Variants in FHIT observed in about 807,000 individuals in gnomAD.
FHIT encodes fragile histidine triad diadenosine triphosphatase, also known as bis(5'-adenosyl)-triphosphatase.
A neutral mutation model predicts 17.9 loss-of-function variants in FHIT; 19 were observed. The observed-to-expected ratio is 1.06, with a 90% confidence interval of 0.74 to 1.56. FHIT has a LOEUF of 1.56. Ranked by LOEUF, FHIT falls within the 40% of genes most tolerant of loss-of-function variation. The pLI, the probability that FHIT is intolerant of heterozygous loss-of-function variation, is 0.00. For missense variants in FHIT, 248 were observed against 189.2 expected (o/e 1.31, Z -1.82); for synonymous variants, 81 against 69.7 (o/e 1.16, Z -0.81).
intron 5 of FHIT, among the ~76,000 whole-genome samples, chr3:60,193,219 A>C (rs1216171313): frequency 6.6e-6 from 1 of 152,174 alleles, no homozygotes; most frequent in African/African-American, 2.4e-5. Flanking sequence ...TGCGGATGTG[A>C]GTATAATCAC....
At chr3:61,137,136 T>C (rs1380114566) in intron 2 of FHIT, among the ~76,000 whole-genome samples, 4 of 152,134 alleles carry the variant, frequency 2.6e-5, no homozygotes, top group African/African-American at 9.7e-5. Context: ...CTCCATTGCT[T>C]AGCACTGCAG....
intron 2 of FHIT, among the ~76,000 whole-genome samples, chr3:61,103,511 T>C (rs1483599036): frequency 1.3e-5 from 2 of 152,238 alleles, no homozygotes; most frequent in Non-Finnish European, 2.9e-5. Context: ...AATGTGGTGC[T>C]GAGAAGAATG....
intron 1 of FHIT, among the ~76,000 whole-genome samples, chr3:61,214,098 T>C (rs1180764488): frequency 6.6e-6 from 1 of 151,898 alleles, no homozygotes; most frequent in Non-Finnish European, 1.5e-5. Context: ...TTACAAGAAC[T>C]AGAAAAGCAA....
At chr3:60,829,635 A>G (rs1559754673) in intron 3 of FHIT, among the ~76,000 whole-genome samples, 1 of 152,168 alleles carries the variant, frequency 6.6e-6, no homozygotes, top group Non-Finnish European at 1.5e-5. Context: ...TGCTTTCTGT[A>G]GTATTCGTGG....
intron 5 of FHIT, among the ~76,000 whole-genome samples, chr3:60,331,585 G>A (rs893651053): frequency 1.1e-4 from 17 of 152,146 alleles, no homozygotes; most frequent in African/African-American, 2.9e-4. Context: ...GGTGGCTTGC[G>A]CCTGTAATCC....
At chr3:60,720,877 T>G (rs565070898) in intron 4 of FHIT, among the ~76,000 whole-genome samples, 131 of 152,312 alleles carry the variant, frequency 8.6e-4, no homozygotes, top group Non-Finnish European at 1.7e-3. Flanking sequence ...TCATTTCCCC[T>G]GGCTCCTTGA....
intron 5 of FHIT, among the ~76,000 whole-genome samples, chr3:60,066,111 T>C (rs1702491506): frequency 6.6e-6 from 1 of 152,152 alleles, no homozygotes. Flanking sequence ...CCTTTTTCCA[T>C]GGACATTGAC....
At chr3:60,296,172 C>T (rs1030054727) in intron 5 of FHIT, among the ~76,000 whole-genome samples, 1 of 151,776 alleles carries the variant, frequency 6.6e-6, no homozygotes, top group African/African-American at 2.4e-5. Context: ...TACCAATCTT[C>T]GGTATGTTCT....
At chr3:60,360,648 G>A (rs1037402150) in intron 5 of FHIT, among the ~76,000 whole-genome samples, 14 of 152,178 alleles carry the variant, frequency 9.2e-5, no homozygotes, top group Admixed American at 3.3e-4. Context: ...TAATAGGCAT[G>A]CAAATTCTTT....
At chr3:60,884,632 G>A (rs1453945832) in intron 3 of FHIT, among the ~76,000 whole-genome samples, 2 of 151,982 alleles carry the variant, frequency 1.3e-5, no homozygotes, top group African/African-American at 4.8e-5. Flanking sequence ...TGTGAAATAA[G>A]CCCAACACAG....
intron 4 of FHIT, among the ~76,000 whole-genome samples, chr3:60,755,810 G>A (rs1049717892): frequency 6.6e-6 from 1 of 152,194 alleles, no homozygotes; most frequent in Non-Finnish European, 1.5e-5. Context: ...TCCCAGCAAG[G>A]AGGGACTGTA....
chr3:61,120,643 C>T (rs1008222250), intron 2 of FHIT, among the ~76,000 whole-genome samples: 4 of 152,046 alleles, frequency 2.6e-5, no homozygotes, highest in African/African-American at 9.7e-5. Context: ...TCAAAGGTGG[C>T]ACTTTTGCAG....
At chr3:60,413,827 A>C (rs1489790015) in intron 5 of FHIT, among the ~76,000 whole-genome samples, 1 of 152,198 alleles carries the variant, frequency 6.6e-6, no homozygotes, top group Non-Finnish European at 1.5e-5. Context: ...ATATTAACAG[A>C]CCATTCACTC....
chr3:60,788,868 C>T (rs1700674344), intron 4 of FHIT, among the ~76,000 whole-genome samples: 1 of 151,998 alleles, frequency 6.6e-6, no homozygotes. Context: ...ATATATGGCA[C>T]ATTCAATTTT....
At chr3:59,815,668 T>C (rs970243865) in intron 8 of FHIT, among the ~76,000 whole-genome samples, 2 of 152,034 alleles carry the variant, frequency 1.3e-5, no homozygotes, top group African/African-American at 4.8e-5. Flanking sequence ...TCCTCACTTA[T>C]AAGTGGGAGC....
At chr3:60,844,397 C>T (rs1040572247) in intron 3 of FHIT, among the ~76,000 whole-genome samples, 1 of 152,082 alleles carries the variant, frequency 6.6e-6, no homozygotes, top group South Asian at 2.1e-4. Context: ...AAAAACCCTA[C>T]ACACATAAAC....
chr3:60,179,397 C>G (rs374169145), intron 5 of FHIT, among the ~76,000 whole-genome samples: 20 of 152,332 alleles, frequency 1.3e-4, no homozygotes, highest in Admixed American at 2.6e-4. Flanking sequence ...TTTGAAATAT[C>G]TGTCCTGTGT....
At position 59,927,277 on chromosome 3, in the gene FHIT, GT is replaced by G. The variant is rs1705710243; in HGVS notation, c.280-4864del. 3.3e-5 allele frequency among the ~76,000 whole-genome samples: 5 copies of G among 152,156 alleles called. No homozygotes were observed. The South Asian group carries it at 1.0e-3, about 31-fold the overall frequency. ...ATTCATAGAGAAAGAAAGATTTGCG[GT>G]TGTGAAGAGGGATGCAGGGTAACTG... On this transcript the variant is annotated intron_variant, in intron 7 of 9. Transcript: ENST00000492590.
intron 1 of FHIT, among the ~76,000 whole-genome samples, chr3:61,214,083 C>G (rs1406512075): frequency 3.3e-5 from 5 of 152,146 alleles, no homozygotes; most frequent in Non-Finnish European, 7.3e-5. Context: ...ACCCTAACAT[C>G]ACAATTACAA....
Sources: allele counts gnomAD v4.1 joint callset (sites outside exome capture counted in the v4.1 genomes callset), GRCh38; gene constraint gnomAD v4.1.1; transcripts MANE v1.5; gene names NCBI Gene and HGNC (gene_info 2026-07-23, HGNC 2026-07-21).